VTI1A: variants seen among roughly 807,000 people sequenced by gnomAD.
VTI1A encodes the protein vesicle transport through interaction with t-SNAREs 1A, also known as vesicle transport through interaction with t-SNAREs homolog 1A.
A neutral mutation model predicts 34.9 loss-of-function variants in VTI1A; 22 were observed. The ratio of observed to expected loss-of-function variants is 0.63; its 90% CI spans 0.45 to 0.90. The LOEUF is 0.90. Ranked by LOEUF, VTI1A falls within the 40% of genes least tolerant of loss-of-function variation. The pLI is 0.00. For synonymous variants in VTI1A, 87 were observed against 97.3 expected, an observed-to-expected ratio of 0.89 and a Z score of 0.62; for missense variants, 268 against 275.6, an observed-to-expected ratio of 0.97 and a Z score of 0.20.
At chr10:112,844,691 G>A in the VTI1A span, among the ~76,000 whole-genome samples, 1 of 152,166 alleles carries the variant, frequency 6.6e-6, no homozygotes, top group Non-Finnish European at 1.5e-5. Context: ...GAGCCACCAC[G>A]CCTGGCGTGT....
At chr10:112,477,865 T>C (rs1848326266) in intron 3 of VTI1A, among the ~76,000 whole-genome samples, 1 of 152,242 alleles carries the variant, frequency 6.6e-6, no homozygotes, top group Non-Finnish European at 1.5e-5. Context: ...TTTGACCTTT[T>C]TCTACAAACC....
intron 7 of VTI1A, among the ~76,000 whole-genome samples, chr10:112,743,741 C>G (rs369172903): frequency 3.3e-5 from 5 of 152,128 alleles, no homozygotes; most frequent in African/African-American, 1.2e-4. Flanking sequence ...TGCTGTGTCT[C>G]CTTTTTGCCT....
chr10:112,804,960 A>G lies in VTI1A; in HGVS notation c.561-10330A>G, dbSNP rs1027334607. On this transcript the variant is annotated intron_variant, in intron 7 of 7. Transcript: ENST00000393077. The stretch of plus-strand genomic sequence containing the variant: ...ACTGCAGCCTTGAACTCCTGGGCTT[A>G]AGCAATCCTCCCGTCTCAGCCTCCA... Among the ~76,000 whole-genome samples, 4 of 143,618 alleles carry G rather than the reference A, an allele frequency of 2.8e-5. No individual in the cohort carries two copies. The East Asian group carries it at 8.3e-4, about 30-fold the overall frequency. 94.2% of individuals were successfully genotyped at this position (143,618 alleles called of 152,430 possible).
chr10:112,668,957 T>A lies in VTI1A; in HGVS notation c.519T>A (p.Asn173Lys). Reference protein sequence around the residue: ...ARERLRETDANLGKSSRILTG... With the variant: ...ARERLRETDAKLGKSSRILTG... ...TGTAGCTTCGGGAAACAGATGCTAA[T>A]TTGGGAAAAAGCTCCAGGATTCTGA... is the stretch of plus-strand genomic sequence containing the variant. The change falls in exon 7 of 8, where the codon AAT becomes AAA. Residue 173 changes from asparagine to lysine, a missense_variant. Asn to Lys is a moderately conservative substitution (Grantham distance 94). Transcript: ENST00000393077. 1 of 1,612,556 alleles carries A rather than the reference T, an allele frequency of 6.2e-7. No individual in the cohort carries two copies. The highest frequency in any genetic ancestry group is 8.5e-7 in the Non-Finnish European group (1 of 1,178,798).
At chr10:112,746,792 C>G (rs911204433) in intron 7 of VTI1A, among the ~76,000 whole-genome samples, 4 of 152,194 alleles carry the variant, frequency 2.6e-5, no homozygotes, top group Non-Finnish European at 5.9e-5. Context: ...ATGGATTTGA[C>G]TTCTTATCTG....
intron 5 of VTI1A, among the ~76,000 whole-genome samples, chr10:112,637,800 C>A (rs1157953649): frequency 1.3e-5 from 2 of 152,088 alleles, no homozygotes; most frequent in Non-Finnish European, 2.9e-5. Context: ...TAAAGATAGA[C>A]AATATGATTG....
chr10:112,667,963 G>C (rs1390191067), intron 5 of VTI1A, among the ~76,000 whole-genome samples: 2 of 152,004 alleles, frequency 1.3e-5, no homozygotes, highest in East Asian at 1.9e-4. Context: ...GGAGTGGCCT[G>C]GACAAGACAT....
At chr10:112,807,219 C>G (rs1161494146) in intron 7 of VTI1A, among the ~76,000 whole-genome samples, 1 of 152,106 alleles carries the variant, frequency 6.6e-6, no homozygotes, top group East Asian at 1.9e-4. Flanking sequence ...ATAAGATCAC[C>G]AGCTCCATAT....
At chr10:112,724,888 A>C in intron 7 of VTI1A, among the ~76,000 whole-genome samples, 1 of 152,018 alleles carries the variant, frequency 6.6e-6, no homozygotes, top group Admixed American at 6.6e-5. Flanking sequence ...CCCATCTTCA[A>C]CAGCTACCAA....
chr10:112,602,256 C>T (rs1362735730), intron 5 of VTI1A, among the ~76,000 whole-genome samples: 1 of 152,192 alleles, frequency 6.6e-6, no homozygotes, highest in African/African-American at 2.4e-5. Flanking sequence ...CTTGCTTGCT[C>T]AGTGCCTGGG....
chr10:112,452,543 A>G (rs1466562168), intron 1 of VTI1A, among the ~76,000 whole-genome samples: 1 of 144,138 alleles, frequency 6.9e-6, no homozygotes, highest in Admixed American at 7.0e-5. Context: ...ACTCCAGCCT[A>G]GTGACACAGT....
chr10:112,567,904 G>A (rs1430609976), intron 5 of VTI1A, among the ~76,000 whole-genome samples: 1 of 152,184 alleles, frequency 6.6e-6, no homozygotes, highest in Non-Finnish European at 1.5e-5. Context: ...CTGAGAATTA[G>A]TGCTTAAATA....
intron 7 of VTI1A, among the ~76,000 whole-genome samples, chr10:112,698,586 C>T (rs1848876461): frequency 6.6e-6 from 1 of 152,254 alleles, no homozygotes; most frequent in South Asian, 2.1e-4. Flanking sequence ...ATTTAAGCCC[C>T]CAAATGAGAA....
At chr10:112,530,531 C>CTAA (rs1475600595) in intron 4 of VTI1A, among the ~76,000 whole-genome samples, 3 of 152,064 alleles carry the variant, frequency 2.0e-5, no homozygotes, top group Non-Finnish European at 4.4e-5. Context: ...ATTTTGAACC[C>CTAA]TAATACTCTC....
chr10:112,652,748 A>G (rs1286541067), intron 5 of VTI1A, among the ~76,000 whole-genome samples: 1 of 151,596 alleles, frequency 6.6e-6, no homozygotes, highest in Non-Finnish European at 1.5e-5. Context: ...AATGGAAAGA[A>G]GGAAGGAAGG....
At chr10:112,553,266 G>A (rs1851429376) in intron 5 of VTI1A, among the ~76,000 whole-genome samples, 1 of 152,200 alleles carries the variant, frequency 6.6e-6, no homozygotes. Flanking sequence ...GACAGACTCA[G>A]GTTCAAATCT....
intron 3 of VTI1A, among the ~76,000 whole-genome samples, chr10:112,519,118 G>C (rs1021477938): frequency 4.0e-5 from 6 of 151,888 alleles, no homozygotes; most frequent in Non-Finnish European, 7.4e-5. Context: ...AGAAACTGTC[G>C]CAACATGGGT....
At chr10:112,763,407 C>G (rs553888666) in intron 7 of VTI1A, among the ~76,000 whole-genome samples, 1 of 150,286 alleles carries the variant, frequency 6.7e-6, no homozygotes, top group South Asian at 2.1e-4. Flanking sequence ...CCACTGCACT[C>G]CAGCCTGGGC....
chr10:112,844,891 G>T, the VTI1A span, among the ~76,000 whole-genome samples: 1 of 152,052 alleles, frequency 6.6e-6, no homozygotes, highest in Admixed American at 6.6e-5. Flanking sequence ...ATTATTGTTG[G>T]CAAGAAAAGG....
Sources: gnomAD v4.1 joint callset for allele counts (sites outside exome capture counted in the v4.1 genomes callset) on GRCh38, gnomAD v4.1.1 for gene constraint, MANE v1.5 for transcripts, NCBI Gene and HGNC (gene_info 2026-07-23, HGNC 2026-07-21) for gene names.